Variants in HMG20A observed in about 807,000 individuals in gnomAD.
HMG20A encodes high mobility group 20A, also known as high mobility group protein 20A.
HMG20A carries 17 observed loss-of-function variants against 43.9 expected under a neutral mutation model. That is an observed-to-expected ratio of 0.39 (90% CI 0.27 to 0.58). The LOEUF is 0.58. Ranked by LOEUF, HMG20A falls within the 20% of genes least tolerant of loss-of-function variation. HMG20A has a pLI of 0.59. For synonymous variants in HMG20A, 132 were observed against 147.5 expected, an observed-to-expected ratio of 0.89 and a Z score of 0.76; for missense variants, 341 against 438.2, an observed-to-expected ratio of 0.78 and a Z score of 1.98.
chr15:77,476,498 A>G (rs112032866), intron 6 of HMG20A, among the ~76,000 whole-genome samples: 1 of 86,736 alleles, frequency 1.2e-5, no homozygotes, highest in Non-Finnish European at 3.3e-5. Flanking sequence ...AAAAAAAAAA[A>G]AAAAAAAAAA....
the HMG20A span, among the ~76,000 whole-genome samples, chr15:77,500,563 C>CTT: frequency 0.019 from 2,752 of 144,726 alleles, 42 homozygotes; most frequent in Middle Eastern, 0.029. Flanking sequence ...CCTCCCTGTT[C>CTT]TTTTTTTTTT....
At chr15:77,438,061 A>C (rs1203783994) in intron 1 of HMG20A, among the ~76,000 whole-genome samples, 1 of 150,942 alleles carries the variant, frequency 6.6e-6, no homozygotes, top group Non-Finnish European at 1.5e-5. Context: ...GGCAAAAGTG[A>C]TCCTCCCGCC....
chr15:77,516,686 C>A, the HMG20A span, among the ~76,000 whole-genome samples: 9 of 152,168 alleles, frequency 5.9e-5, no homozygotes, highest in South Asian at 1.9e-3. Flanking sequence ...GAACTCCACC[C>A]CGAGGCTTTG....
chr15:77,465,680 C>T (rs1200471989), intron 3 of HMG20A, among the ~76,000 whole-genome samples: 1 of 152,128 alleles, frequency 6.6e-6, no homozygotes. Flanking sequence ...CAGGTGTGAA[C>T]CACCGTGCCA....
chr15:77,460,878 C>T (rs1246711252), intron 2 of HMG20A, among the ~76,000 whole-genome samples: 2 of 151,964 alleles, frequency 1.3e-5, no homozygotes, highest in African/African-American at 2.4e-5. Context: ...CTCAACTACT[C>T]GGGAGGTTGA....
the HMG20A span, among the ~76,000 whole-genome samples, chr15:77,491,125 C>T: frequency 1.3e-5 from 2 of 152,190 alleles, no homozygotes; most frequent in East Asian, 1.9e-4. Flanking sequence ...CATGCCATAA[C>T]CTGACCATTA....
chr15:77,506,298 C>T, the HMG20A span, among the ~76,000 whole-genome samples: 1 of 152,070 alleles, frequency 6.6e-6, no homozygotes, highest in Non-Finnish European at 1.5e-5. Flanking sequence ...CAGAAGGTCA[C>T]GGGGCCTCGC....
chr15:77,478,901 T>G (rs1222699698), intron 8 of HMG20A, among the ~76,000 whole-genome samples: 2 of 152,270 alleles, frequency 1.3e-5, no homozygotes. Flanking sequence ...TCTTATATAC[T>G]CTTTCATTTT....
chr15:77,462,216 G>A (rs1292304134), intron 2 of HMG20A, among the ~76,000 whole-genome samples: 1 of 151,954 alleles, frequency 6.6e-6, no homozygotes, highest in African/African-American at 2.4e-5. Flanking sequence ...GACACTTTTT[G>A]GCCTATCTTA....
chr15:77,513,002 C>T, the HMG20A span, among the ~76,000 whole-genome samples: 8 of 152,160 alleles, frequency 5.3e-5, no homozygotes, highest in Non-Finnish European at 1.2e-4. Flanking sequence ...AATTGTGAGC[C>T]ATTCTACAAA....
At chr15:77,458,376 A>T (rs2072675428) in intron 1 of HMG20A, 28 bp from the exon 2 acceptor site, 11 of 1,458,356 alleles carry the variant, frequency 7.5e-6, no homozygotes, top group Non-Finnish European at 1.1e-5. Flanking sequence ...TAAGCCATTA[A>T]TTTTTTTTTA....
the HMG20A span, among the ~76,000 whole-genome samples, chr15:77,511,114 G>A: frequency 7.9e-3 from 1,203 of 152,316 alleles, 12 homozygotes; most frequent in Non-Finnish European, 8.3e-3. Flanking sequence ...AATATAGCGC[G>A]AAGAGTGGGA....
chr15:77,439,089 G>A (rs1422636222), intron 1 of HMG20A, among the ~76,000 whole-genome samples: 4 of 152,134 alleles, frequency 2.6e-5, no homozygotes, highest in Admixed American at 1.3e-4. Context: ...CACCACGCCC[G>A]TCCGTAGGTT....
At chr15:77,511,076 T>C in the HMG20A span, among the ~76,000 whole-genome samples, 2 of 152,200 alleles carry the variant, frequency 1.3e-5, no homozygotes, top group Admixed American at 1.3e-4. Flanking sequence ...GGAGACTGGC[T>C]ACATGCAAGG....
At chr15:77,454,237 G>A (rs1412059356) in intron 1 of HMG20A, among the ~76,000 whole-genome samples, 4 of 151,920 alleles carry the variant, frequency 2.6e-5, no homozygotes, top group Non-Finnish European at 5.9e-5. Context: ...GGAGAATGGG[G>A]ATTGTTTGCT....
At chr15:77,492,264 T>C in the HMG20A span, among the ~76,000 whole-genome samples, 1 of 152,232 alleles carries the variant, frequency 6.6e-6, no homozygotes, top group Non-Finnish European at 1.5e-5. Context: ...AAATAATATT[T>C]CAACATCTGC....
chr15:77,428,790 T>C (rs1447425486), intron 1 of HMG20A, among the ~76,000 whole-genome samples: 1 of 151,990 alleles, frequency 6.6e-6, no homozygotes, highest in Non-Finnish European at 1.5e-5. Context: ...CATAGTGAGA[T>C]GCTGTCTCTA....
chr15:77,435,711 C>T (rs1236944065), intron 1 of HMG20A, among the ~76,000 whole-genome samples: 1 of 152,196 alleles, frequency 6.6e-6, no homozygotes, highest in Non-Finnish European at 1.5e-5. Context: ...GCTTCTACCC[C>T]ACCATTCCAT....
chr15:77,506,425 C>T, the HMG20A span, among the ~76,000 whole-genome samples: 8 of 152,316 alleles, frequency 5.3e-5, no homozygotes, highest in East Asian at 1.9e-4. Flanking sequence ...GGAGGCAGTG[C>T]GTTCTCCCCG....
Sources: allele counts gnomAD v4.1 joint callset (sites outside exome capture counted in the v4.1 genomes callset), GRCh38; gene constraint gnomAD v4.1.1; transcripts MANE v1.5; gene names NCBI Gene and HGNC (gene_info 2026-07-23, HGNC 2026-07-21).